Variants in IQSEC1 observed in about 807,000 individuals in gnomAD.
IQSEC1 encodes IQ motif and Sec7 domain ArfGEF 1.
IQSEC1 carries 31 observed loss-of-function variants against 91.0 expected under a neutral mutation model. The observed-to-expected ratio is 0.34, with a 90% CI of 0.26 to 0.46. The LOEUF is 0.46. IQSEC1 is among the 20% of genes least tolerant of loss of function. The pLI is 1.00. For synonymous variants in IQSEC1, 699 were observed against 662.6 expected (o/e 1.05, Z -0.84); for missense variants, 1,388 against 1,575.6 (o/e 0.88, Z 2.02).
At chr3:13,194,728 G>A (rs1292782659) in intron 1 of IQSEC1, among the ~76,000 whole-genome samples, 1 of 152,084 alleles carries the variant, frequency 6.6e-6, no homozygotes, top group Non-Finnish European at 1.5e-5. Flanking sequence ...GAATCTGGCA[G>A]GCCTTCCTAA....
intron 2 of IQSEC1, among the ~76,000 whole-genome samples, chr3:13,088,520 C>G (rs1254102486): frequency 1.3e-5 from 2 of 151,998 alleles, no homozygotes; most frequent in African/African-American, 4.8e-5. Context: ...TCGCCCTCCC[C>G]GCTCCTCTGA....
At chr3:13,051,474 G>T (rs779268554) in intron 1 of IQSEC1, among the ~76,000 whole-genome samples, 2 of 152,178 alleles carry the variant, frequency 1.3e-5, no homozygotes, top group Admixed American at 6.5e-5. Flanking sequence ...GACTGGCAGG[G>T]GCAGGGGCAG....
In IQSEC1 at chr3:13,214,476, G is replaced by A. The variant is rs1288365858; in HGVS notation, c.273-50343C>T. ...TTGAATCTGGGACATGTCCCTCCTC[G>A]TAGCCCTCCTTCCTCCAAGAAACAA... On this transcript the variant is annotated intron_variant, in intron 1 of 15. Transcript: ENST00000648114. This position sits in a 1 kb window ranked among gnomAD's most constrained non-coding sequence, Gnocchi z 4.5. Among the ~76,000 whole-genome samples, 2 of 152,246 alleles carry A rather than the reference G, an allele frequency of 1.3e-5. No homozygotes were observed. Among genetic ancestry groups the A allele is most frequent in the Non-Finnish European group, 1.5e-5 (1 of 68,044 alleles).
intron 2 of IQSEC1, among the ~76,000 whole-genome samples, chr3:13,118,571 C>A (rs1369844115): frequency 6.6e-6 from 1 of 152,176 alleles, no homozygotes; most frequent in African/African-American, 2.4e-5. Flanking sequence ...AGAACAAATA[C>A]TGAATGATTT....
rs180835966 is a variant in IQSEC1, at chr3:12,939,562, G to A, written c.318+2009C>T. ...TCATCTGGTGATTCCCATGCAATCT[G>A]TCCCATTCCCACTTTTGCTGAGCTT... On this transcript the variant is annotated intron_variant, in intron 2 of 13. Transcript: ENST00000613206. Among the ~76,000 whole-genome samples the A allele has an allele frequency of 5.6e-3, 850 of 152,320 alleles. 27 individuals are homozygous for A. The highest frequency in any genetic ancestry group is 1.1e-3 in the Non-Finnish European group (77 of 68,028).
At position 13,279,974 on chromosome 3, in the gene IQSEC1, G is replaced by T. The variant is rs1425189342; in HGVS notation, c.272+2737C>A. ...CTGCCTGTGCTCAGTTGGCCCAAAA[G>T]AAATGACAAACAGGTGGACAATGGA... is the stretch of plus-strand genomic sequence containing the variant. On this transcript the variant is annotated intron_variant, in intron 1 of 15. Transcript: ENST00000648114. 3.3e-5 allele frequency among the ~76,000 whole-genome samples: 5 copies of T among 152,308 alleles called. No homozygotes were observed. The East Asian group carries it at 9.6e-4, about 29-fold the overall frequency.
intron 13 of IQSEC1, 78 bp downstream of exon 13, chr3:12,902,692 AAAC>A (rs1694492308): frequency 9.7e-6 from 7 of 723,804 alleles, no homozygotes; most frequent in African/African-American, 3.8e-5. Flanking sequence ...AAAAAAAAAA[AAAC>A]CAGGACAACA....
chr3:13,278,257 C>A (rs762493580), intron 1 of IQSEC1, among the ~76,000 whole-genome samples: 17 of 152,240 alleles, frequency 1.1e-4, no homozygotes, highest in Admixed American at 5.2e-4. Context: ...TTCCCCCCCC[C>A]ACCCCCAGCC....
chr3:13,169,366 T>C (rs1033815388), intron 1 of IQSEC1, among the ~76,000 whole-genome samples: 3 of 152,226 alleles, frequency 2.0e-5, no homozygotes, highest in Admixed American at 2.0e-4. Context: ...TGTAAGTCCA[T>C]TAAACCTATT....
At chr3:12,919,312 A>G (rs546818686) in intron 6 of IQSEC1, among the ~76,000 whole-genome samples, 117 of 152,316 alleles carry the variant, frequency 7.7e-4, no homozygotes, top group African/African-American at 2.5e-3. Flanking sequence ...ATGGCTGTCC[A>G]TGAGCTCTAA....
At chr3:13,197,880 C>G (rs1322445450) in intron 1 of IQSEC1, among the ~76,000 whole-genome samples, 1 of 152,244 alleles carries the variant, frequency 6.6e-6, no homozygotes, top group Non-Finnish European at 1.5e-5. Context: ...AAGAAAAACC[C>G]TGGTCTTGGA....
At chr3:12,933,268 G>T (rs1697861104) in intron 3 of IQSEC1, among the ~76,000 whole-genome samples, 1 of 152,208 alleles carries the variant, frequency 6.6e-6, no homozygotes, top group Non-Finnish European at 1.5e-5. Flanking sequence ...CTAGAGGCCT[G>T]CCAGGTGTGT....
chr3:12,903,649 C>T (rs1317224398), intron 12 of IQSEC1, among the ~76,000 whole-genome samples: 5 of 152,204 alleles, frequency 3.3e-5, no homozygotes, highest in Non-Finnish European at 4.4e-5. Flanking sequence ...GGCCCAGGCC[C>T]GGCCTGGCCC....
chr3:13,234,726 C>T (rs1694895766), intron 1 of IQSEC1, among the ~76,000 whole-genome samples: 1 of 152,170 alleles, frequency 6.6e-6, no homozygotes. Context: ...CCCTTTCCCT[C>T]CCCTGCCTCT....
At chr3:13,057,106 G>A (rs1704906931) in intron 1 of IQSEC1, among the ~76,000 whole-genome samples, 1 of 152,086 alleles carries the variant, frequency 6.6e-6, no homozygotes, top group African/African-American at 2.4e-5. Flanking sequence ...CGTTCCCCTG[G>A]TCTCTAGTTC....
chr3:13,028,077 T>A (rs1703689653), intron 1 of IQSEC1, among the ~76,000 whole-genome samples: 1 of 152,148 alleles, frequency 6.6e-6, no homozygotes, highest in South Asian at 2.1e-4. Context: ...CAGAGACGCC[T>A]GTGGCCCCTC....
rs2124892338 is a variant in IQSEC1, at chr3:13,121,335, TGAA to T, written c.302+42766_302+42768del. ...GTCTCACCTCCTCCTCCCAGCTACC[TGAA>T]GAAGCCAATGTCATTCTCATTTCCC... On this transcript the variant is annotated intron_variant, in intron 2 of 15. Coordinates refer to the IQSEC1 transcript ENST00000648114. 2.0e-5 allele frequency among the ~76,000 whole-genome samples: 3 copies of T among 152,278 alleles called. No individual in the cohort carries two copies. The East Asian group carries it at 5.8e-4, about 29-fold the overall frequency.
At chr3:12,945,486 T>C (rs1699120523) in intron 1 of IQSEC1, among the ~76,000 whole-genome samples, 1 of 151,140 alleles carries the variant, frequency 6.6e-6, no homozygotes, top group Admixed American at 6.6e-5. Context: ...GTCCAGTCTA[T>C]TGAATAGCAT....
rs867122107 is a variant in IQSEC1 at position 12,922,375 on chromosome 3, G to A, written c.1731-133C>T. 20 of 1,134,958 alleles carry A rather than the reference G, an allele frequency of 1.8e-5. No homozygotes were observed. Among genetic ancestry groups the A allele is most frequent in the African/African-American group, 4.8e-5 (3 of 62,894 alleles). 70.3% of individuals were successfully genotyped at this position (1,134,958 alleles called of 1,614,324 possible). A position where few individuals can be genotyped will look rare whatever the true frequency, so the allele number is the denominator to read the frequency against. The stretch of plus-strand genomic sequence containing the variant: ...GCAGGGAGAGCCCCTGCCTGACTCC[G>A]ACCAATCAGCCAAGAGCCCTCAGAA... On this transcript the variant is annotated intron_variant, in intron 4 of 13. Transcript: ENST00000613206. The surrounding 1 kb of genome is among the most constrained non-coding windows in gnomAD (Gnocchi z 5.1).
Sources: allele counts gnomAD v4.1 joint callset (sites outside exome capture counted in the v4.1 genomes callset), GRCh38; gene constraint gnomAD v4.1.1; non-coding constraint Gnocchi (gnomAD v3.1); transcripts MANE v1.5; gene names NCBI Gene and HGNC (gene_info 2026-07-23, HGNC 2026-07-21).